Variants in SLC24A1 observed in about 807,000 individuals in gnomAD.
SLC24A1 encodes the protein solute carrier family 24 member 1, also known as sodium/potassium/calcium exchanger 1.
In SLC24A1, 52 loss-of-function variants were observed where a neutral mutation model predicts 88.1. That is an observed-to-expected ratio of 0.59 (90% CI 0.47 to 0.74). The LOEUF is 0.74. Among genes scored for constraint, SLC24A1 ranks in the 30% least tolerant of loss-of-function variants. The pLI, the probability that SLC24A1 is intolerant of heterozygous loss-of-function variation, is 0.00. For missense variants in SLC24A1, 1,173 were observed against 1,363.3 expected (o/e 0.86, Z 2.20); for synonymous variants, 455 against 498.0 (o/e 0.91, Z 1.15).
intron 9 of SLC24A1, 167 bp downstream of exon 9, chr15:65,652,975 CA>C (rs2075554936): frequency 1.9e-6 from 1 of 522,320 alleles, no homozygotes. Context: ...TCATCATAGC[CA>C]GATGGGATAA....
Position 65,653,998 on chromosome 15 carries a change from A to C in SLC24A1, c.3219A>C (p.Thr1073=), listed in dbSNP as rs376694076. The change falls in exon 10 of 10, where the codon ACA becomes ACC. Residue 1073 remains threonine, a synonymous_variant. Coordinates refer to ENST00000261892, the MANE Select transcript of SLC24A1 (RefSeq NM_004727.3). ...KWRMNKILGF[T]MFLLYFVFLI... ...GAATGAACAAGATCCTGGGCTTCAC[A>C]ATGTTCCTCCTTTACTTTGTATTCC... is the stretch of plus-strand genomic sequence containing the variant. 3.6e-5 allele frequency: 58 copies of C among 1,613,790 alleles called. No homozygotes were observed. The South Asian group carries it at 6.1e-4, about 17-fold the overall frequency.
At chr15:65,616,117 C>T (rs923391572) in intron 2 of SLC24A1, among the ~76,000 whole-genome samples, 1 of 152,018 alleles carries the variant, frequency 6.6e-6, no homozygotes, top group Non-Finnish European at 1.5e-5. Context: ...TTTTCTTAAT[C>T]CAGTCTATCA....
chr15:65,626,547 A>C (rs1255941538), intron 2 of SLC24A1, among the ~76,000 whole-genome samples: 2 of 152,134 alleles, frequency 1.3e-5, no homozygotes, highest in African/African-American at 4.8e-5. Flanking sequence ...ATATTAGAGA[A>C]GATGGGAGCT....
rs181942192 is a variant in SLC24A1, at chr15:65,625,733, C to T, written c.1653C>T (p.Leu551=). The T allele has an allele frequency of 1.1e-3, 1,836 of 1,614,068 alleles. 1 individual carries two copies. The highest frequency in any genetic ancestry group is 1.4e-3 in the Non-Finnish European group (1,683 of 1,179,898). ...GTTCCCTCTTCTCCCGAGAGATCCT[C>T]AACCTCACCTGGTGGCCCTTATTCC... is the stretch of plus-strand genomic sequence containing the variant. ...GTCSLFSREI[L]NLTWWPLFRD... is the part of the protein sequence containing the mutation. The change falls in exon 2 of 10, where the codon CTC becomes CTT. Residue 551 remains leucine (L), a synonymous_variant. Transcript: ENST00000261892.
intron 2 of SLC24A1, among the ~76,000 whole-genome samples, chr15:65,629,115 C>T (rs992093801): frequency 1.3e-5 from 2 of 152,196 alleles, no homozygotes; most frequent in Admixed American, 6.5e-5. Flanking sequence ...GAGCAACATA[C>T]TTGCAGGTAT....
intron 1 of SLC24A1, among the ~76,000 whole-genome samples, chr15:65,622,614 G>A (rs2074356981): frequency 6.6e-6 from 1 of 152,174 alleles, no homozygotes; most frequent in Non-Finnish European, 1.5e-5. Context: ...ATTAATTAGA[G>A]ATTTAATAAA....
At chr15:65,653,185 T>G (rs1223241795) in intron 9 of SLC24A1, among the ~76,000 whole-genome samples, 1 of 152,194 alleles carries the variant, frequency 6.6e-6, no homozygotes, top group Non-Finnish European at 1.5e-5. Flanking sequence ...TGTGAACTCC[T>G]GCTAGCTCAG....
intron 6 of SLC24A1, among the ~76,000 whole-genome samples, chr15:65,649,366 A>G (rs565077434): frequency 2.0e-5 from 3 of 152,002 alleles, no homozygotes; most frequent in Admixed American, 6.5e-5. Flanking sequence ...CCAAAGTGCT[A>G]GGATTACAGG....
chr15:65,649,351 G>C (rs921897537), intron 6 of SLC24A1, among the ~76,000 whole-genome samples: 2 of 152,136 alleles, frequency 1.3e-5, no homozygotes, highest in African/African-American at 4.8e-5. Flanking sequence ...GCCCACCTCA[G>C]CCTCCCAAAG....
intron 2 of SLC24A1, among the ~76,000 whole-genome samples, chr15:65,632,869 G>A (rs972001679): frequency 3.3e-5 from 5 of 152,194 alleles, no homozygotes; most frequent in African/African-American, 1.2e-4. Flanking sequence ...TTGTGTAGGA[G>A]AGTGACAAGC....
chr15:65,628,467 A>G (rs2074592384), intron 2 of SLC24A1, among the ~76,000 whole-genome samples: 1 of 152,250 alleles, frequency 6.6e-6, no homozygotes, highest in Non-Finnish European at 1.5e-5. Flanking sequence ...TAAAAGTTCC[A>G]GAACTCTAGT....
At chr15:65,646,718 A>G (rs182734537) in intron 6 of SLC24A1, among the ~76,000 whole-genome samples, 22 of 152,190 alleles carry the variant, frequency 1.4e-4, no homozygotes, top group Admixed American at 1.2e-3. Flanking sequence ...GGCTCAATAT[A>G]TGTTGAGTGA....
Position 65,625,607 on chromosome 15 carries a change from C to G in SLC24A1, c.1527C>G (p.Leu509=), listed in dbSNP as rs2074484464. 6.2e-7 allele frequency: 1 copy of G among 1,613,908 alleles called. No homozygotes were observed. The highest frequency in any genetic ancestry group is 1.1e-5 in the South Asian group (1 of 91,082). ...FMAAGGSAPE[L]FTSLIGVFIS... is the part of the protein sequence containing the mutation. The stretch of plus-strand genomic sequence containing the variant: ...CTGCTGGAGGCTCTGCTCCTGAGCT[C>G]TTCACCTCCCTCATCGGTGTCTTCA... The change falls in exon 2 of 10, where the codon CTC becomes CTG. Residue 509 remains leucine (L), a synonymous_variant. Coordinates refer to ENST00000261892, the MANE Select transcript of SLC24A1 (RefSeq NM_004727.3).
chr15:65,640,763 T>TA (rs978010267), intron 4 of SLC24A1, among the ~76,000 whole-genome samples: 29 of 151,382 alleles, frequency 1.9e-4, no homozygotes, highest in South Asian at 6.3e-4. Context: ...TCAGTTGTTT[T>TA]AAAAAAAAAT....
chr15:65,624,025 G>T lies in SLC24A1; in HGVS notation c.-56G>T. ...GATCACCAACCTGAATCCCAGAGTA[G>T]CCTCCATCTTAGGACAGAATGAGAG... On this transcript the variant is annotated 5_prime_UTR_variant, in exon 2 of 10. Coordinates refer to ENST00000261892, the MANE Select transcript of SLC24A1 (RefSeq NM_004727.3). 6.9e-7 allele frequency: 1 copy of T among 1,449,110 alleles called. No individual in the cohort carries two copies. The highest frequency in any genetic ancestry group is 2.5e-4 in the Middle Eastern group (1 of 4,046). The allele number at this position is 1,449,110 out of a possible 1,614,324, so 89.8% of individuals were successfully genotyped here.
chr15:65,624,418 G>A lies in SLC24A1; in HGVS notation c.338G>A (p.Ser113Asn). 1 of 1,613,230 alleles carries A rather than the reference G, an allele frequency of 6.2e-7. No individual in the cohort carries two copies. Among genetic ancestry groups the A allele is most frequent in the Non-Finnish European group, 8.5e-7 (1 of 1,179,564 alleles). ...TLSMTVENIP[S>N]MPKRTAKMIP... ...AGCATGACAGTGGAGAATATCCCCA[G>A]TATGCCTAAAAGAACAGCCAAGATG... Residue 113 changes from serine (S) to asparagine (N), a missense_variant, in exon 2 of 10, where the codon AGT becomes AAT. By Grantham distance (46) the Ser-to-Asn change is conservative. Transcript: ENST00000261892.
chr15:65,617,251 C>T (rs1254818048), upstream of SLC24A1, among the ~76,000 whole-genome samples: 6 of 152,102 alleles, frequency 3.9e-5, no homozygotes, highest in African/African-American at 1.4e-4. Context: ...GTAGTTTTTT[C>T]CAATTCTGTG....
In SLC24A1 at chr15:65,653,933, C is replaced by T. The variant is rs2075593609; in HGVS notation, c.3154C>T (p.Leu1052Phe). The T allele has an allele frequency of 6.2e-7, 1 of 1,613,858 alleles. No homozygotes were observed. The highest frequency in any genetic ancestry group is 1.3e-5 in the African/African-American group (1 of 74,922). ...TGCAATTGTTTTGCTTTTTCTCATG[C>T]TTCTGTTTGTGATCTCTTCAATTGC... Reference protein sequence around the residue: ...FCAIVLLFLMLLFVISSIASC... With the variant: ...FCAIVLLFLMFLFVISSIASC... Residue 1052 changes from leucine (L) to phenylalanine (F), a missense_variant, in exon 10 of 10, where the codon CTT (leucine) becomes TTT (phenylalanine). By Grantham distance (22) the Leu-to-Phe change is conservative (BLOSUM62 0). Coordinates refer to ENST00000261892, the MANE Select transcript of SLC24A1 (RefSeq NM_004727.3).
rs2141752501 is a variant in SLC24A1, at chr15:65,655,773, CTTAA to C, written c.*1701_*1704del. The C allele has an allele frequency of 1.0e-6, 1 of 985,194 alleles. No homozygotes were observed. Among genetic ancestry groups the C allele is most frequent in the Non-Finnish European group, 1.2e-6 (1 of 829,834 alleles). The allele number at this position is 985,194 out of a possible 1,614,324, so 61.0% of individuals were successfully genotyped here. On this transcript the variant is annotated 3_prime_UTR_variant, in exon 10 of 10. Coordinates refer to ENST00000261892, the MANE Select transcript of SLC24A1 (RefSeq NM_004727.3). ...GTATTCCATCTTTTAAGATGAATTGCTTAATTAATTGCCTCGCTACCCCAGGATT... is the reference window on the plus strand; with the variant it reads ...GTATTCCATCTTTTAAGATGAATTGCTTAATTGCCTCGCTACCCCAGGATT...
Sources: allele counts gnomAD v4.1 joint callset (sites outside exome capture counted in the v4.1 genomes callset), GRCh38; gene constraint gnomAD v4.1.1; transcripts MANE v1.5; gene names NCBI Gene and HGNC (gene_info 2026-07-23, HGNC 2026-07-21).